Variants in VAV3 observed in about 807,000 individuals in gnomAD.
VAV3 encodes guanine nucleotide exchange factor VAV3.
A neutral mutation model predicts 131.2 loss-of-function variants in VAV3; 94 were observed. The ratio of observed to expected loss-of-function variants is 0.72; its 90% CI spans 0.61 to 0.85. The LOEUF (loss-of-function observed/expected upper bound fraction) is 0.85. Ranked by LOEUF, VAV3 falls within the 40% of genes least tolerant of loss-of-function variation. The pLI is 0.00. For synonymous variants in VAV3, 349 were observed against 342.0 expected, an observed-to-expected ratio of 1.02 and a Z score of -0.22; for missense variants, 939 against 1,002.7, an observed-to-expected ratio of 0.94 and a Z score of 0.86.
chr1:107,688,359 A>T (rs1416637234), intron 18 of VAV3, 22 bp downstream of exon 18: 14 of 1,610,560 alleles, frequency 8.7e-6, no homozygotes, highest in Non-Finnish European at 1.2e-5. Flanking sequence ...GTTATAAAAA[A>T]TATTTAAAAT....
chr1:107,856,758 C>G (rs535132356), intron 2 of VAV3, among the ~76,000 whole-genome samples: 45 of 152,152 alleles, frequency 3.0e-4, no homozygotes, highest in African/African-American at 1.0e-3. Context: ...GAAGGAAGGC[C>G]AGGCATGGTG....
intron 10 of VAV3, among the ~76,000 whole-genome samples, chr1:107,759,821 C>G (rs1664316972): frequency 6.6e-6 from 1 of 152,006 alleles, no homozygotes; most frequent in Non-Finnish European, 1.5e-5. Context: ...CTTGACTACA[C>G]CAAAGTTACA....
At chr1:107,611,434 G>A (rs1652718196) in intron 21 of VAV3, among the ~76,000 whole-genome samples, 1 of 152,050 alleles carries the variant, frequency 6.6e-6, no homozygotes, top group Non-Finnish European at 1.5e-5. Flanking sequence ...ACATAACTTT[G>A]CTTTCACAAA....
chr1:107,907,914 T>C (rs560227699), intron 1 of VAV3, among the ~76,000 whole-genome samples: 2 of 152,316 alleles, frequency 1.3e-5, no homozygotes, highest in East Asian at 1.9e-4. Context: ...TAGAAAGATA[T>C]GCGTTATACT....
At position 107,573,226 on chromosome 1, in the gene VAV3, G is replaced by C. The variant is rs182104204; in HGVS notation, c.*105C>G. The C allele has an allele frequency of 7.9e-5, 106 of 1,338,826 alleles. 1 individual carries two copies. In the Admixed American group the frequency reaches 2.3e-3, roughly 29 times the overall value. 82.9% of individuals were successfully genotyped at this position (1,338,826 alleles called of 1,614,324 possible). A position where few individuals can be genotyped will look rare whatever the true frequency, so the allele number is the denominator to read the frequency against. ...AAGGAGGGAGGATGTTGAACAGCCA[G>C]AAATGCAGCTTTTTAAACACTTCAG... On this transcript the variant is annotated 3_prime_UTR_variant, in exon 27 of 27. Coordinates refer to ENST00000370056, the MANE Select transcript of VAV3 (RefSeq NM_006113.5).
rs550848213 is a variant in VAV3, at chr1:107,865,294, A to T, written c.321+9607T>A. ...GTTGAAACTGAGGGAATGTGCAGAG[A>T]CAAGTAGCAAAGCCAGGCCCAGAAG... On this transcript the variant is annotated intron_variant, in intron 2 of 26. Transcript: ENST00000370056. 2.6e-5 allele frequency among the ~76,000 whole-genome samples: 4 copies of T among 152,320 alleles called. No individual in the cohort carries two copies. The South Asian group carries it at 8.3e-4, about 32-fold the overall frequency.
chr1:107,806,157 T>C (rs893031437), intron 2 of VAV3, among the ~76,000 whole-genome samples: 1 of 152,202 alleles, frequency 6.6e-6, no homozygotes, highest in Non-Finnish European at 1.5e-5. Flanking sequence ...CAGGCCCTTG[T>C]GCTGCTTCCT....
chr1:107,823,301 A>C (rs1213846547), intron 2 of VAV3, among the ~76,000 whole-genome samples: 1 of 152,236 alleles, frequency 6.6e-6, no homozygotes, highest in Non-Finnish European at 1.5e-5. Context: ...ATGGGGAAGA[A>C]GCACATATAT....
intron 2 of VAV3, among the ~76,000 whole-genome samples, chr1:107,811,365 C>T (rs1667308425): frequency 1.3e-5 from 2 of 152,210 alleles, no homozygotes; most frequent in South Asian, 2.1e-4. Flanking sequence ...TGGCAATCTG[C>T]AAAGTGAAAG....
intron 2 of VAV3, among the ~76,000 whole-genome samples, chr1:107,819,736 G>A (rs1667715513): frequency 6.6e-6 from 1 of 151,998 alleles, no homozygotes; most frequent in Non-Finnish European, 1.5e-5. Context: ...CCTTCAAACT[G>A]TTTTATCATC....
chr1:107,813,118 CAAA>C (rs11310564), intron 2 of VAV3, among the ~76,000 whole-genome samples: 2 of 133,234 alleles, frequency 1.5e-5, no homozygotes, highest in Non-Finnish European at 1.6e-5. Flanking sequence ...GACTCCGTCT[CAAA>C]AAAAAAAAAA....
intron 1 of VAV3, among the ~76,000 whole-genome samples, chr1:107,951,989 T>C (rs1397568513): frequency 6.6e-6 from 1 of 152,122 alleles, no homozygotes; most frequent in African/African-American, 2.4e-5. Context: ...CAAAGGAATA[T>C]AAACTGTTCT....
At chr1:107,771,911 C>T (rs752559287) in intron 5 of VAV3, among the ~76,000 whole-genome samples, 1 of 152,196 alleles carries the variant, frequency 6.6e-6, no homozygotes, top group Non-Finnish European at 1.5e-5. Flanking sequence ...ACCACACTTG[C>T]GTTATATTCC....
At chr1:107,636,261 T>C (rs1654924173) in intron 20 of VAV3, among the ~76,000 whole-genome samples, 1 of 152,192 alleles carries the variant, frequency 6.6e-6, no homozygotes. Flanking sequence ...TCAGATATCA[T>C]GCAACAGCAG....
chr1:107,893,999 C>T (rs1437234567), intron 1 of VAV3, among the ~76,000 whole-genome samples: 1 of 152,056 alleles, frequency 6.6e-6, no homozygotes, highest in Non-Finnish European at 1.5e-5. Context: ...AAAGAAAGAC[C>T]CCTGGCATGT....
At chr1:107,665,331 A>C (rs2101644820) in intron 19 of VAV3, among the ~76,000 whole-genome samples, 1 of 152,270 alleles carries the variant, frequency 6.6e-6, no homozygotes, top group East Asian at 1.9e-4. Context: ...TAAAAACAAT[A>C]ATAAAACTGT....
chr1:107,750,526 T>C (rs1663648593), intron 13 of VAV3, among the ~76,000 whole-genome samples: 1 of 152,170 alleles, frequency 6.6e-6, no homozygotes, highest in South Asian at 2.1e-4. Flanking sequence ...TTAAAGGACC[T>C]ATGGAGCCAG....
chr1:107,877,147 C>A (rs1317266224), intron 1 of VAV3, among the ~76,000 whole-genome samples: 2 of 152,168 alleles, frequency 1.3e-5, no homozygotes, highest in African/African-American at 4.8e-5. Flanking sequence ...AGCAGGTAAT[C>A]AGCACATGCA....
intron 2 of VAV3, among the ~76,000 whole-genome samples, chr1:107,830,900 G>A (rs1250409450): frequency 1.3e-5 from 2 of 152,156 alleles, no homozygotes; most frequent in African/African-American, 4.8e-5. Context: ...TTTGTATATC[G>A]TGTTATATCT....
Sources: allele counts gnomAD v4.1 joint callset (sites outside exome capture counted in the v4.1 genomes callset), GRCh38; gene constraint gnomAD v4.1.1; transcripts MANE v1.5; gene names NCBI Gene and HGNC (gene_info 2026-07-23, HGNC 2026-07-21).